The following AGBL4 variants were observed in gnomAD, a reference collection of about 807,000 sequenced individuals.
AGBL4 encodes AGBL carboxypeptidase 4, also known as cytosolic carboxypeptidase 6.
A neutral mutation model predicts 66.4 loss-of-function variants in AGBL4; 58 were observed. That is an observed-to-expected ratio of 0.87 (90% CI 0.71 to 1.09). The LOEUF is 1.09. AGBL4 is among the 50% of genes least tolerant of loss of function. AGBL4 has a pLI of 0.00. For missense variants in AGBL4, 579 were observed against 631.0 expected, an observed-to-expected ratio of 0.92 and a Z score of 0.88; for synonymous variants, 234 against 222.9, an observed-to-expected ratio of 1.05 and a Z score of -0.44.
chr1:48,609,203 T>C (rs1385339211), intron 9 of AGBL4, among the ~76,000 whole-genome samples: 3 of 152,180 alleles, frequency 2.0e-5, no homozygotes, highest in Non-Finnish European at 4.4e-5. Flanking sequence ...CCATCCTCTA[T>C]GCATGGCTGG....
intron 5 of AGBL4, among the ~76,000 whole-genome samples, chr1:48,955,607 TC>T (rs1329621325): frequency 1.3e-5 from 2 of 152,188 alleles, no homozygotes; most frequent in Admixed American, 1.3e-4. Flanking sequence ...AGCCTCAAAC[TC>T]CTAGCCTCAA....
intron 3 of AGBL4, among the ~76,000 whole-genome samples, chr1:49,650,346 G>A (rs1180435368): frequency 6.6e-6 from 1 of 152,182 alleles, no homozygotes; most frequent in Non-Finnish European, 1.5e-5. Flanking sequence ...AAGGGTAAGT[G>A]AGAGTGTTTC....
intron 3 of AGBL4, among the ~76,000 whole-genome samples, chr1:49,483,067 G>T (rs1334101699): frequency 1.3e-5 from 2 of 152,074 alleles, no homozygotes; most frequent in Non-Finnish European, 2.9e-5. Flanking sequence ...TAAGTGCCAT[G>T]TGGAAATGAG....
At chr1:49,952,516 T>G (rs568063854) in intron 1 of AGBL4, among the ~76,000 whole-genome samples, 7 of 151,968 alleles carry the variant, frequency 4.6e-5, no homozygotes, top group Non-Finnish European at 7.4e-5. Context: ...ACATTATCTC[T>G]GTGATAAAAT....
At chr1:49,385,224 C>T (rs950519341) in intron 3 of AGBL4, among the ~76,000 whole-genome samples, 2 of 152,082 alleles carry the variant, frequency 1.3e-5, no homozygotes, top group Non-Finnish European at 1.5e-5. Context: ...ATCTAATGCA[C>T]AACAATGATC....
intron 1 of AGBL4, among the ~76,000 whole-genome samples, chr1:49,881,877 A>G (rs1647365894): frequency 6.6e-6 from 1 of 151,732 alleles, no homozygotes; most frequent in Non-Finnish European, 1.5e-5. Flanking sequence ...GCTGTGCAGA[A>G]GCTCTTTAGT....
At chr1:48,711,633 G>C (rs1298958456) in intron 6 of AGBL4, among the ~76,000 whole-genome samples, 1 of 152,136 alleles carries the variant, frequency 6.6e-6, no homozygotes, top group Non-Finnish European at 1.5e-5. Flanking sequence ...CCTGGGTCGA[G>C]TATGGAACCA....
chr1:49,160,500 G>A (rs1646519304), intron 4 of AGBL4, among the ~76,000 whole-genome samples: 1 of 152,158 alleles, frequency 6.6e-6, no homozygotes, highest in South Asian at 2.1e-4. Context: ...CTACTGGGAG[G>A]TGTCTCCCAG....
chr1:49,407,921 T>C (rs955565596), intron 3 of AGBL4, among the ~76,000 whole-genome samples: 40 of 152,166 alleles, frequency 2.6e-4, no homozygotes, highest in African/African-American at 9.4e-4. Context: ...CCAACAAATA[T>C]CCAGTTGCAA....
intron 3 of AGBL4, among the ~76,000 whole-genome samples, chr1:49,462,733 T>C (rs1464308869): frequency 6.6e-6 from 1 of 151,714 alleles, no homozygotes; most frequent in East Asian, 1.9e-4. Context: ...TAATGTTACT[T>C]AGAACTGAGA....
At chr1:49,690,054 A>G (rs1254847832) in intron 3 of AGBL4, among the ~76,000 whole-genome samples, 1 of 152,198 alleles carries the variant, frequency 6.6e-6, no homozygotes, top group Non-Finnish European at 1.5e-5. Context: ...ATCAGTCAGC[A>G]GCCATGAACA....
At chr1:49,510,142 A>C (rs1490738026) in intron 3 of AGBL4, among the ~76,000 whole-genome samples, 1 of 152,032 alleles carries the variant, frequency 6.6e-6, no homozygotes, top group Non-Finnish European at 1.5e-5. Context: ...CATAATGATA[A>C]ATAGAAATTG....
rs1570173159 is a variant in AGBL4 at position 48,663,301 on chromosome 1, T to C, written c.635-60A>G. 3.9e-6 allele frequency: 6 copies of C among 1,555,322 alleles called. No individual in the cohort carries two copies. The South Asian group carries it at 5.6e-5, about 14-fold the overall frequency. ...GGCAAGAAAAGCTGAGTCTAGTGGT[T>C]GGTGTGTGGCAGGGAACCCCAGAGG... On this transcript the variant is annotated intron_variant, in intron 6 of 13. Coordinates refer to ENST00000371839, the MANE Select transcript of AGBL4 (RefSeq NM_032785.4).
chr1:49,470,676 AC>A (rs1364484350), intron 3 of AGBL4, among the ~76,000 whole-genome samples: 1 of 151,852 alleles, frequency 6.6e-6, no homozygotes, highest in Non-Finnish European at 1.5e-5. Context: ...AAAAGTTACT[AC>A]CCCTTCCCAT....
At chr1:48,581,284 C>T (rs1306413128) in intron 11 of AGBL4, among the ~76,000 whole-genome samples, 1 of 152,118 alleles carries the variant, frequency 6.6e-6, no homozygotes, top group Non-Finnish European at 1.5e-5. Flanking sequence ...ATGAGACTAA[C>T]CCAATTAACT....
chr1:50,017,782 A>C (rs943783210), intron 1 of AGBL4, among the ~76,000 whole-genome samples: 1 of 152,156 alleles, frequency 6.6e-6, no homozygotes, highest in Non-Finnish European at 1.5e-5. Flanking sequence ...CCTGTTGGAT[A>C]CTATGCTTAT....
At chr1:48,797,597 C>T (rs895232019) in intron 6 of AGBL4, among the ~76,000 whole-genome samples, 3 of 151,960 alleles carry the variant, frequency 2.0e-5, no homozygotes, top group Non-Finnish European at 2.9e-5. Context: ...ATGTATATAC[C>T]ACATTATCTT....
At chr1:49,215,351 T>G (rs1172332649) in intron 4 of AGBL4, among the ~76,000 whole-genome samples, 2 of 152,132 alleles carry the variant, frequency 1.3e-5, no homozygotes, top group African/African-American at 4.8e-5. Flanking sequence ...TAAGTCCTTT[T>G]AATTACTTAT....
At chr1:49,312,681 T>C (rs551058570) in intron 3 of AGBL4, among the ~76,000 whole-genome samples, 2 of 152,058 alleles carry the variant, frequency 1.3e-5, no homozygotes, top group South Asian at 4.2e-4. Context: ...AATAGACACC[T>C]GACCAAAGAA....
Sources: allele counts gnomAD v4.1 joint callset (sites outside exome capture counted in the v4.1 genomes callset), GRCh38; gene constraint gnomAD v4.1.1; transcripts MANE v1.5; gene names NCBI Gene and HGNC (gene_info 2026-07-23, HGNC 2026-07-21).